ABCC4: variants seen among roughly 807,000 people sequenced by gnomAD.
ABCC4 encodes the protein ATP binding cassette subfamily C member 4 (PEL blood group).
Under a neutral mutation model 168.5 loss-of-function variants are expected in ABCC4, and 102 were observed. The observed-to-expected ratio is 0.61, with a 90% CI of 0.52 to 0.71. The LOEUF is 0.71. Among genes scored for constraint, ABCC4 ranks in the 30% least tolerant of loss-of-function variants. The pLI, the probability that ABCC4 is intolerant of heterozygous loss-of-function variation, is 0.00. For missense variants in ABCC4, 1,402 were observed against 1,605.8 expected (o/e 0.87, Z 2.17); for synonymous variants, 617 against 590.7 (o/e 1.04, Z -0.65).
intron 25 of ABCC4, among the ~76,000 whole-genome samples, chr13:95,068,786 A>G (rs781172115): frequency 6.6e-6 from 1 of 152,244 alleles, no homozygotes; most frequent in African/African-American, 2.4e-5. Flanking sequence ...TAGATAATTC[A>G]TATTTTATGG....
At chr13:95,215,891 T>C (rs936791689) in intron 4 of ABCC4, among the ~76,000 whole-genome samples, 1 of 141,340 alleles carries the variant, frequency 7.1e-6, no homozygotes, top group Admixed American at 7.5e-5. Context: ...ATAATCAAAG[T>C]TCTACCTAAA....
intron 20 of ABCC4, among the ~76,000 whole-genome samples, chr13:95,108,356 T>C (rs1367556603): frequency 3.9e-5 from 6 of 152,192 alleles, no homozygotes; most frequent in African/African-American, 1.4e-4. Context: ...TTTGGCTGTG[T>C]CCCCACCCAA....
intron 9 of ABCC4, among the ~76,000 whole-genome samples, chr13:95,194,472 G>A (rs1434055355): frequency 6.6e-6 from 1 of 152,192 alleles, no homozygotes; most frequent in Non-Finnish European, 1.5e-5. Flanking sequence ...CAAAGTCTCC[G>A]TAATAATCTA....
At chr13:95,148,706 T>C (rs2036578105) in intron 19 of ABCC4, among the ~76,000 whole-genome samples, 1 of 151,492 alleles carries the variant, frequency 6.6e-6, no homozygotes, top group South Asian at 2.1e-4. Flanking sequence ...TTCTCTCTCA[T>C]TTGACATCAA....
intron 27 of ABCC4, among the ~76,000 whole-genome samples, chr13:95,046,403 A>G (rs2032581515): frequency 6.6e-6 from 1 of 152,152 alleles, no homozygotes. Context: ...TAATGAACAC[A>G]TTTCCCAGAT....
intron 25 of ABCC4, among the ~76,000 whole-genome samples, chr13:95,063,080 C>G (rs2033364368): frequency 6.6e-6 from 1 of 152,084 alleles, no homozygotes; most frequent in Admixed American, 6.5e-5. Flanking sequence ...CGCTAGCATC[C>G]CTGGACCCTA....
At chr13:95,295,810 C>T (rs1411079778) in intron 1 of ABCC4, among the ~76,000 whole-genome samples, 1 of 151,104 alleles carries the variant, frequency 6.6e-6, no homozygotes, top group East Asian at 2.0e-4. Flanking sequence ...TAAAAACACA[C>T]AAAAAAATTA....
chr13:95,297,321 A>C (rs1046814608), intron 1 of ABCC4, among the ~76,000 whole-genome samples: 35 of 152,048 alleles, frequency 2.3e-4, no homozygotes, highest in African/African-American at 8.0e-4. Context: ...ACTACCTTTA[A>C]AAATCCACAA....
chr13:95,191,324 G>T (rs2038245261), intron 9 of ABCC4, among the ~76,000 whole-genome samples: 1 of 152,098 alleles, frequency 6.6e-6, no homozygotes, highest in African/African-American at 2.4e-5. Context: ...GACCCCTTAT[G>T]TGTCCCATAC....
At chr13:95,083,353 T>G (rs1184210967) in intron 20 of ABCC4, 63 bp from the exon 21 acceptor site, 1 of 1,570,686 alleles carries the variant, frequency 6.4e-7, no homozygotes, top group Non-Finnish European at 8.7e-7. Context: ...AATACTTGCA[T>G]GAGTTGTTGT....
Position 95,218,057 on chromosome 13 carries a change from G to T in ABCC4, c.532-7276C>A, listed in dbSNP as rs1004968096. On this transcript the variant is annotated intron_variant, in intron 4 of 30. Transcript: ENST00000645237. ...AAAACGTTCTGAATAAGCATATAAA[G>T]TAAGTATTATCTATCTTATTTATTT... Among the ~76,000 whole-genome samples, 16 of 152,306 alleles carry T rather than the reference G, an allele frequency of 1.1e-4. No individual in the cohort carries two copies. In the East Asian group the frequency reaches 3.1e-3, roughly 29 times the overall value.
chr13:95,154,282 T>G (rs1450644916), intron 19 of ABCC4, among the ~76,000 whole-genome samples: 5 of 152,162 alleles, frequency 3.3e-5, no homozygotes, highest in South Asian at 2.1e-4. Context: ...CTAATGTACA[T>G]ATAAATGTGT....
At chr13:95,230,888 G>A (rs368591336) in intron 4 of ABCC4, among the ~76,000 whole-genome samples, 11 of 152,284 alleles carry the variant, frequency 7.2e-5, no homozygotes, top group African/African-American at 2.4e-4. Context: ...CCAAATGTCC[G>A]GTGGCAGATG....
chr13:95,129,706 C>T (rs1332341561), intron 19 of ABCC4, among the ~76,000 whole-genome samples: 2 of 152,110 alleles, frequency 1.3e-5, no homozygotes, highest in African/African-American at 4.8e-5. Context: ...CAGCTTCCTT[C>T]CCAAATTAAA....
intron 20 of ABCC4, among the ~76,000 whole-genome samples, chr13:95,097,437 G>A (rs1448733039): frequency 6.6e-6 from 1 of 151,980 alleles, no homozygotes. Context: ...TAAATACAGA[G>A]AGAGAGAGAG....
In ABCC4 at chr13:95,218,912, AG is replaced by A. The variant is rs1488069663; in HGVS notation, c.532-8132del. On this transcript the variant is annotated intron_variant, in intron 4 of 30. Coordinates refer to ENST00000645237, the MANE Select transcript of ABCC4 (RefSeq NM_005845.5). ...ACAGATGAGAGAGAGAGAAAGAGAGAGAGAGAGAAAGAAAGAGAAAGAAAGA... is the reference window on the plus strand; with the variant it reads ...ACAGATGAGAGAGAGAGAAAGAGAGAAGAGAGAAAGAAAGAGAAAGAAAGA... 6.7e-5 allele frequency among the ~76,000 whole-genome samples: 8 copies of A among 119,550 alleles called. 1 individual carries two copies. Among genetic ancestry groups the A allele is most frequent in the African/African-American group, 7.3e-5 (2 of 27,388 alleles). 78.4% of individuals were successfully genotyped at this position (119,550 alleles called of 152,430 possible). A position where few individuals can be genotyped will look rare whatever the true frequency, so the allele number is the denominator to read the frequency against.
chr13:95,168,535 C>T (rs1268724455), intron 14 of ABCC4, among the ~76,000 whole-genome samples: 2 of 152,182 alleles, frequency 1.3e-5, no homozygotes, highest in Non-Finnish European at 2.9e-5. Flanking sequence ...AAATTTATCT[C>T]CCTTGGAGAA....
chr13:95,228,029 T>C (rs764638747), intron 4 of ABCC4, among the ~76,000 whole-genome samples: 5 of 152,222 alleles, frequency 3.3e-5, no homozygotes, highest in South Asian at 2.1e-4. Context: ...TGTAATTTCA[T>C]ACTATTCAGT....
intron 4 of ABCC4, among the ~76,000 whole-genome samples, chr13:95,228,575 G>A (rs767210555): frequency 2.6e-5 from 4 of 152,018 alleles, no homozygotes; most frequent in Non-Finnish European, 5.9e-5. Flanking sequence ...TGGAGTTCGC[G>A]ACCAGCCTGG....
Sources: gnomAD v4.1 joint callset for allele counts (sites outside exome capture counted in the v4.1 genomes callset) on GRCh38, gnomAD v4.1.1 for gene constraint, MANE v1.5 for transcripts, NCBI Gene and HGNC (gene_info 2026-07-23, HGNC 2026-07-21) for gene names.